Variants in SPINK5 observed in about 807,000 individuals in gnomAD.
SPINK5 encodes the protein serine protease inhibitor Kazal-type 5.
SPINK5 carries 125 observed loss-of-function variants against 151.8 expected under a neutral mutation model. The ratio of observed to expected loss-of-function variants is 0.82; its 90% confidence interval spans 0.71 to 0.96. The LOEUF is 0.96. SPINK5 is among the 40% of genes least tolerant of loss of function. The probability of loss-of-function intolerance (pLI) is 0.00; values close to 1 mark genes in which losing one functional copy is unlikely to be tolerated. For synonymous variants in SPINK5, 374 were observed against 395.3 expected, an observed-to-expected ratio of 0.95 and a Z score of 0.64; for missense variants, 1,194 against 1,291.9, an observed-to-expected ratio of 0.92 and a Z score of 1.16.
At chr5:148,114,517 T>A (rs1386462145) in intron 21 of SPINK5, 28 bp downstream of exon 21, 2 of 1,611,844 alleles carry the variant, frequency 1.2e-6, no homozygotes. Context: ...ACCACTACTG[T>A]GGGATGGTGG....
chr5:148,100,519 T>A lies in SPINK5; in HGVS notation c.1158T>A (p.Asp386Glu), dbSNP rs1218904167. Residue 386 changes from aspartate (D) to glutamate (E), a missense_variant, in exon 13 of 33, where the codon GAT becomes GAA. Asp to Glu is a conservative substitution (Grantham distance 45, BLOSUM62 2). Coordinates refer to ENST00000256084, the MANE Select transcript of SPINK5 (RefSeq NM_006846.4). ...NGKLACTREN[D>E]PIQGPDGKVH... ...AACTTGCTTGCACCAGAGAGAACGA[T>A]CCTATCCAGGGCCCAGATGGGAAAG... is the stretch of plus-strand genomic sequence containing the variant. 26 of 1,613,230 alleles carry A rather than the reference T, an allele frequency of 1.6e-5. No homozygotes were observed. The highest frequency in any genetic ancestry group is 2.2e-5 in the Non-Finnish European group (26 of 1,179,484).
intron 4 of SPINK5, among the ~76,000 whole-genome samples, chr5:148,081,854 A>T (rs1200030351): frequency 6.6e-6 from 1 of 151,758 alleles, no homozygotes; most frequent in African/African-American, 2.4e-5. Context: ...CTATTATTTA[A>T]TACAAAATTT....
At position 148,118,530 on chromosome 5, in the gene SPINK5, TACA is replaced by T. The variant is rs781321238; in HGVS notation, c.2211_2213del (p.Asn738del). The T allele has an allele frequency of 1.4e-5, 23 of 1,614,022 alleles. 1 individual carries two copies. In the Middle Eastern group the frequency reaches 2.3e-3, roughly 162 times the overall value. ...TGTACGTGATGCTGATGGCAAATCG[TACA>T]ACAATCAGTGTACCATGTGTAAAGC... On this transcript the variant is annotated inframe_deletion, in exon 23 of 33. Coordinates refer to ENST00000256084, the MANE Select transcript of SPINK5 (RefSeq NM_006846.4).
Position 148,101,787 on chromosome 5 carries a change from T to G in SPINK5, c.1309T>G (p.Cys437Gly). Residue 437 changes from cysteine to glycine, a missense_variant, in exon 15 of 33, where the codon TGT becomes GGT. Physicochemically the swap from Cys to Gly is radical, Grantham distance 159 (BLOSUM62 -3). Transcript: ENST00000256084. ...SKSTASFEEL[C>G]SEYRKSRKNG... is the part of the protein sequence containing the mutation. ...TCCTGCCTCAATTTCACAGGAGTTG[T>G]GTAGTGAATACCGCAAATCCAGGAA... 2 of 1,613,730 alleles carry G rather than the reference T, an allele frequency of 1.2e-6. No homozygotes were observed. The highest frequency in any genetic ancestry group is 1.1e-5 in the South Asian group (1 of 91,086).
At chr5:148,102,792 G>T (rs1426503763) in intron 15 of SPINK5, among the ~76,000 whole-genome samples, 1 of 152,030 alleles carries the variant, frequency 6.6e-6, no homozygotes, top group African/African-American at 2.4e-5. Flanking sequence ...AAATGGAAAA[G>T]AGCTATAGGA....
intron 18 of SPINK5, among the ~76,000 whole-genome samples, chr5:148,111,239 T>G (rs2071586213): frequency 6.6e-6 from 1 of 151,990 alleles, no homozygotes; most frequent in African/African-American, 2.4e-5. Context: ...TGTTCTTCTG[T>G]GGTTACATCT....
At chr5:148,122,791 G>A (rs933254748) in intron 26 of SPINK5, among the ~76,000 whole-genome samples, 24 of 149,944 alleles carry the variant, frequency 1.6e-4, no homozygotes, top group Admixed American at 4.7e-4. Flanking sequence ...GGGATGATGC[G>A]TATTTATCTT....
At chr5:148,079,157 A>C (rs1272569017) in intron 4 of SPINK5, among the ~76,000 whole-genome samples, 2 of 151,104 alleles carry the variant, frequency 1.3e-5, no homozygotes, top group Non-Finnish European at 3.0e-5. Context: ...TTATGCCACC[A>C]CATTAAATAA....
intron 4 of SPINK5, among the ~76,000 whole-genome samples, chr5:148,084,380 G>T (rs1561679493): frequency 6.6e-6 from 1 of 151,796 alleles, no homozygotes; most frequent in Non-Finnish European, 1.5e-5. Context: ...GAATCTATCT[G>T]TAAGGTCTCA....
At chr5:148,123,512 A>C (rs200058292) in intron 26 of SPINK5, among the ~76,000 whole-genome samples, 1,735 of 120,744 alleles carry the variant, frequency 0.014, 112 homozygotes, top group African/African-American at 0.058. Flanking sequence ...GCAGTGGTGC[A>C]ATATATGTGT....
intron 20 of SPINK5, 90 bp from the exon 21 acceptor site, chr5:148,114,272 T>TC: frequency 7.7e-7 from 1 of 1,298,428 alleles, no homozygotes; most frequent in Non-Finnish European, 1.0e-6. Context: ...TTCTCTCTCT[T>TC]TTTTTTTTTT....
At chr5:148,116,555 G>T in intron 22 of SPINK5, 89 bp downstream of exon 22, 2 of 1,291,386 alleles carry the variant, frequency 1.5e-6, no homozygotes, top group Non-Finnish European at 2.3e-6. Flanking sequence ...TATGGTAAAG[G>T]CAGTGCTAAG....
At chr5:148,135,559 G>A (rs1208021859) in intron 32 of SPINK5, among the ~76,000 whole-genome samples, 1 of 152,176 alleles carries the variant, frequency 6.6e-6, no homozygotes, top group East Asian at 1.9e-4. Flanking sequence ...AATAATGACA[G>A]AAATTATTAT....
At chr5:148,087,798 T>C (rs540695237) in intron 5 of SPINK5, among the ~76,000 whole-genome samples, 1 of 151,976 alleles carries the variant, frequency 6.6e-6, no homozygotes, top group South Asian at 2.1e-4. Flanking sequence ...TACTTCTCCT[T>C]GTGTTGTTTC....
intron 8 of SPINK5, among the ~76,000 whole-genome samples, chr5:148,091,537 CCTT>C (rs1268442975): frequency 2.0e-5 from 3 of 151,700 alleles, no homozygotes; most frequent in African/African-American, 7.3e-5. Flanking sequence ...TTTCTAGCAG[CCTT>C]CTTTTTGGTT....
Position 148,094,492 on chromosome 5 carries a change from A to G in SPINK5, c.794+11A>G. ...GTGTGCTGAAATTTTGTGAGTATAGAAGTGGTTTTTTCAGAGTGATTCAAA... is the reference window on the plus strand; with the variant it reads ...GTGTGCTGAAATTTTGTGAGTATAGGAGTGGTTTTTTCAGAGTGATTCAAA... On this transcript the variant is annotated intron_variant, in intron 9 of 32. Coordinates refer to ENST00000256084, the MANE Select transcript of SPINK5 (RefSeq NM_006846.4). The G allele has an allele frequency of 6.2e-7, 1 of 1,612,086 alleles. No individual in the cohort carries two copies. The highest frequency in any genetic ancestry group is 8.5e-7 in the Non-Finnish European group (1 of 1,178,732).
At chr5:148,119,188 T>A (rs1754185860) in intron 24 of SPINK5, 130 bp downstream of exon 24, 1 of 835,470 alleles carries the variant, frequency 1.2e-6, no homozygotes, top group Non-Finnish European at 2.0e-6. Flanking sequence ...AGTTACCAAG[T>A]TATCAGTGAC....
At chr5:148,088,716 G>A (rs1484956527) in intron 6 of SPINK5, 111 bp downstream of exon 6, 1 of 1,110,412 alleles carries the variant, frequency 9.0e-7, no homozygotes, top group African/African-American at 1.6e-5. Flanking sequence ...ATTAATTCTT[G>A]CTTTATGTGA....
chr5:148,124,454 A>G (rs1754375894), intron 27 of SPINK5, among the ~76,000 whole-genome samples: 2 of 152,224 alleles, frequency 1.3e-5, no homozygotes, highest in South Asian at 4.1e-4. Flanking sequence ...GAATTATAGC[A>G]ACTTTCTAGA....
Sources: allele counts gnomAD v4.1 joint callset (sites outside exome capture counted in the v4.1 genomes callset), GRCh38; gene constraint gnomAD v4.1.1; transcripts MANE v1.5; gene names NCBI Gene and HGNC (gene_info 2026-07-23, HGNC 2026-07-21).